SHB: variants seen among roughly 807,000 people sequenced by gnomAD.
SHB encodes the protein SH2 domain-containing adapter protein B.
A neutral mutation model predicts 52.3 loss-of-function variants in SHB; 20 were observed. The ratio of observed to expected loss-of-function variants is 0.38; its 90% CI spans 0.27 to 0.56. SHB has a LOEUF of 0.56. Ranked by LOEUF, SHB falls within the 20% of genes least tolerant of loss-of-function variation. SHB has a pLI of 0.71. For missense variants in SHB, 825 were observed against 723.3 expected (o/e 1.14, Z -1.61); for synonymous variants, 397 against 316.5 (o/e 1.25, Z -2.70).
intron 2 of SHB, among the ~76,000 whole-genome samples, chr9:38,005,909 T>C (rs367644485): frequency 5.3e-5 from 8 of 152,166 alleles, no homozygotes; most frequent in African/African-American, 1.7e-4. Context: ...CCCAGGTCCC[T>C]GGAATAGTTT....
intron 1 of SHB, among the ~76,000 whole-genome samples, chr9:38,066,762 A>G (rs2118207122): frequency 6.6e-6 from 1 of 152,162 alleles, no homozygotes; most frequent in South Asian, 2.1e-4. Flanking sequence ...GGCAAACAAA[A>G]AAGATCCCTT....
chr9:37,971,349 G>A (rs12553058), intron 3 of SHB, among the ~76,000 whole-genome samples: 42,847 of 152,026 alleles, frequency 0.28, 7,322 homozygotes, highest in Non-Finnish European at 0.37. Context: ...CAATCTAACC[G>A]AGCTGCTTCA....
chr9:38,004,690 G>A (rs900713148), intron 2 of SHB, among the ~76,000 whole-genome samples: 1 of 152,218 alleles, frequency 6.6e-6, no homozygotes, highest in Non-Finnish European at 1.5e-5. Context: ...GTGAGGAGTT[G>A]CCAGAGAGGG....
At chr9:38,006,896 T>C (rs1170493386) in intron 2 of SHB, among the ~76,000 whole-genome samples, 2 of 152,176 alleles carry the variant, frequency 1.3e-5, no homozygotes, top group Admixed American at 6.5e-5. Context: ...TCCTTCCTAC[T>C]GAAGGTGGCC....
At chr9:38,064,078 C>A (rs1255274237) in intron 1 of SHB, among the ~76,000 whole-genome samples, 2 of 151,810 alleles carry the variant, frequency 1.3e-5, no homozygotes, top group Non-Finnish European at 2.9e-5. Context: ...AAGTAACTGG[C>A]CTCTTTTGTC....
At chr9:38,013,047 A>G (rs1195421376) in intron 2 of SHB, among the ~76,000 whole-genome samples, 1 of 151,864 alleles carries the variant, frequency 6.6e-6, no homozygotes, top group African/African-American at 2.4e-5. Flanking sequence ...TGACGCCACA[A>G]AGAATTACAC....
At chr9:37,976,105 G>T (rs1449959542) in intron 2 of SHB, among the ~76,000 whole-genome samples, 1 of 152,132 alleles carries the variant, frequency 6.6e-6, no homozygotes, top group South Asian at 2.1e-4. Flanking sequence ...CTACAATCTC[G>T]GCTCACTGCA....
intron 5 of SHB, among the ~76,000 whole-genome samples, chr9:37,934,000 T>A (rs1319720395): frequency 6.6e-6 from 1 of 152,228 alleles, no homozygotes; most frequent in African/African-American, 2.4e-5. Context: ...TCGCTTCTGC[T>A]GCCCGTTCCC....
At chr9:38,003,942 G>A (rs1821049056) in intron 2 of SHB, among the ~76,000 whole-genome samples, 1 of 152,192 alleles carries the variant, frequency 6.6e-6, no homozygotes, top group African/African-American at 2.4e-5. Flanking sequence ...CTGGCTCCAG[G>A]CCTCTGCTTC....
intron 2 of SHB, among the ~76,000 whole-genome samples, chr9:37,992,358 G>A (rs530235454): frequency 3.3e-5 from 5 of 152,214 alleles, no homozygotes; most frequent in African/African-American, 1.2e-4. Flanking sequence ...CTGAGATCGC[G>A]CCATTGCATT....
intron 3 of SHB, among the ~76,000 whole-genome samples, chr9:37,961,667 T>C (rs922340682): frequency 6.6e-6 from 1 of 152,230 alleles, no homozygotes; most frequent in Non-Finnish European, 1.5e-5. Context: ...GTCTACCCTC[T>C]AGAATCCCTT....
chr9:38,062,383 T>A (rs552466494), intron 1 of SHB, among the ~76,000 whole-genome samples: 1 of 152,142 alleles, frequency 6.6e-6, no homozygotes, highest in African/African-American at 2.4e-5. Context: ...CCCTTTGCCA[T>A]GGGACACTGC....
In SHB at chr9:38,068,655, C is replaced by T; in HGVS notation, c.-10G>A. 7.4e-7 allele frequency: 1 copy of T among 1,348,016 alleles called. No individual in the cohort carries two copies. The highest frequency in any genetic ancestry group is 9.5e-7 in the Non-Finnish European group (1 of 1,056,972). The allele number at this position is 1,348,016 out of a possible 1,614,324, so 83.5% of individuals were successfully genotyped here. On this transcript the variant is annotated 5_prime_UTR_variant, in exon 1 of 6. Transcript: ENST00000377707. ...TTAGCCACTTGGCCATGGCGAGAGG[C>T]CGCCTAGGGCCGCGGCGCGGGAGCC...
Position 37,916,109 on chromosome 9 carries a change from G to A in SHB, c.*3712C>T, listed in dbSNP as rs560574515. Among the ~76,000 whole-genome samples the A allele has an allele frequency of 4.6e-5, 7 of 152,352 alleles. No homozygotes were observed. In the South Asian group the frequency reaches 1.0e-3, roughly 23 times the overall value. ...CCAAGGGGCTTGCCCTCCTGCAAGC[G>A]CGCCTGTGAACAAGTCCCCGTGGGG... On this transcript the variant is annotated 3_prime_UTR_variant, in exon 6 of 6. Transcript: ENST00000377707.
At chr9:38,013,589 G>T (rs1417114410) in intron 2 of SHB, among the ~76,000 whole-genome samples, 1 of 152,240 alleles carries the variant, frequency 6.6e-6, no homozygotes, top group Non-Finnish European at 1.5e-5. Flanking sequence ...GGGCAACAGA[G>T]GAAGACCCTG....
intron 2 of SHB, among the ~76,000 whole-genome samples, chr9:37,997,212 T>C (rs969836473): frequency 8.5e-5 from 13 of 152,326 alleles, no homozygotes; most frequent in Admixed American, 7.8e-4. Context: ...GGCCACAGGC[T>C]GTATCTCCAT....
chr9:37,969,116 G>C (rs1455838941), intron 3 of SHB, among the ~76,000 whole-genome samples: 1 of 152,042 alleles, frequency 6.6e-6, no homozygotes, highest in Non-Finnish European at 1.5e-5. Context: ...GTGAGATGAA[G>C]AAATTAGTGC....
chr9:38,041,888 T>C (rs940726787), intron 1 of SHB, among the ~76,000 whole-genome samples: 2 of 152,220 alleles, frequency 1.3e-5, no homozygotes, highest in Non-Finnish European at 2.9e-5. Context: ...TTTTAAATAG[T>C]GCTTTGGGCC....
chr9:37,924,432 T>C (rs1832221402), intron 5 of SHB, among the ~76,000 whole-genome samples: 1 of 152,230 alleles, frequency 6.6e-6, no homozygotes, highest in Non-Finnish European at 1.5e-5. Context: ...TTAAATCGCT[T>C]CTTTTCATGA....
Sources: gnomAD v4.1 joint callset for allele counts (sites outside exome capture counted in the v4.1 genomes callset) on GRCh38, gnomAD v4.1.1 for gene constraint, MANE v1.5 for transcripts, NCBI Gene and HGNC (gene_info 2026-07-23, HGNC 2026-07-21) for gene names.